Variants in SLC25A13 observed in about 807,000 individuals in gnomAD.
SLC25A13 encodes the protein solute carrier family 25 member 13, also known as electrogenic aspartate/glutamate antiporter SLC25A13, mitochondrial.
Under a neutral mutation model 85.5 loss-of-function variants are expected in SLC25A13, and 70 were observed. The observed-to-expected ratio is 0.82, with a 90% confidence interval of 0.68 to 1.00. The LOEUF (loss-of-function observed/expected upper bound fraction) is 1.00. Ranked by LOEUF, SLC25A13 falls within the 50% of genes least tolerant of loss-of-function variation. The pLI, the probability that SLC25A13 is intolerant of heterozygous loss-of-function variation, is 0.00. For missense variants in SLC25A13, 765 were observed against 819.8 expected (o/e 0.93, Z 0.82); for synonymous variants, 259 against 288.7 (o/e 0.90, Z 1.04).
rs543612532 is a variant in SLC25A13 at position 96,163,955 on chromosome 7, A to G, written c.1311+6090T>C. ...AAGTAGACACCAGAAGAGGAGGAAG[A>G]CTAGTACTTAAGTCATGATTTAATT... On this transcript the variant is annotated intron_variant, in intron 13 of 17. Transcript: ENST00000265631. 9.2e-5 allele frequency among the ~76,000 whole-genome samples: 14 copies of G among 152,240 alleles called. No individual in the cohort carries two copies. The East Asian group carries it at 2.5e-3, about 28-fold the overall frequency.
intron 3 of SLC25A13, among the ~76,000 whole-genome samples, chr7:96,274,146 C>T (rs544353107): frequency 5.9e-5 from 9 of 152,148 alleles, no homozygotes; most frequent in African/African-American, 2.2e-4. Context: ...ACCTAATTCC[C>T]TGCCTGCTCC....
At chr7:96,181,145 T>C (rs1794405747) in intron 11 of SLC25A13, among the ~76,000 whole-genome samples, 1 of 152,208 alleles carries the variant, frequency 6.6e-6, no homozygotes, top group Non-Finnish European at 1.5e-5. Flanking sequence ...TAGAGAAGGT[T>C]TGCAGAGCCA....
At chr7:96,259,203 T>C (rs1308680432) in intron 3 of SLC25A13, among the ~76,000 whole-genome samples, 1 of 152,082 alleles carries the variant, frequency 6.6e-6, no homozygotes, top group Non-Finnish European at 1.5e-5. Flanking sequence ...AAAGCCAAAA[T>C]TGACAAATGG....
chr7:96,232,261 AAAC>A lies in SLC25A13; in HGVS notation c.328+2538_328+2540del, dbSNP rs564038209. 1.5e-3 allele frequency among the ~76,000 whole-genome samples: 228 copies of A among 152,306 alleles called. 1 individual carries two copies. The highest frequency in any genetic ancestry group is 2.5e-3 in the South Asian group (12 of 4,826). ...TGGAATACTATGCAGTCATTAAAAA[AAAC>A]AACGAGATCATGTCCTCTACAGGAA... On this transcript the variant is annotated intron_variant, in intron 4 of 17. Coordinates refer to ENST00000265631, the MANE Select transcript of SLC25A13 (RefSeq NM_014251.3).
chr7:96,203,729 G>A (rs1795350917), intron 5 of SLC25A13, among the ~76,000 whole-genome samples: 1 of 152,060 alleles, frequency 6.6e-6, no homozygotes, highest in Non-Finnish European at 1.5e-5. Context: ...GTAATTACAT[G>A]TAAAATAGAT....
intron 5 of SLC25A13, among the ~76,000 whole-genome samples, chr7:96,208,382 G>GC (rs1404286027): frequency 1.3e-5 from 2 of 152,098 alleles, no homozygotes; most frequent in Non-Finnish European, 2.9e-5. Context: ...GTTTTGCCAG[G>GC]CTAAACTGTA....
intron 11 of SLC25A13, among the ~76,000 whole-genome samples, chr7:96,180,032 A>C (rs1487202940): frequency 6.6e-6 from 1 of 152,164 alleles, no homozygotes; most frequent in Non-Finnish European, 1.5e-5. Flanking sequence ...TAACTCCCTG[A>C]GATATCACCA....
chr7:96,134,793 T>TTATATATACATA (rs1554337552), intron 14 of SLC25A13, among the ~76,000 whole-genome samples: 4 of 102,250 alleles, frequency 3.9e-5, no homozygotes, highest in African/African-American at 1.6e-4. Flanking sequence ...ACAAACAATT[T>TTATATATACATA]TATATATATA....
chr7:96,322,078 G>C lies in SLC25A13; in HGVS notation c.-122C>G. The C allele has an allele frequency of 7.4e-7, 1 of 1,356,416 alleles. No individual in the cohort carries two copies. 84.0% of individuals were successfully genotyped at this position (1,356,416 alleles called of 1,614,324 possible). ...GTGGGGGCGGCGATACGGCCAGGCA[G>C]CGTGCGTTCCTGGCCTGCCTCCCCA... On this transcript the variant is annotated 5_prime_UTR_variant, in exon 1 of 18. Coordinates refer to ENST00000265631, the MANE Select transcript of SLC25A13 (RefSeq NM_014251.3).
chr7:96,260,378 G>T (rs1196408428), intron 3 of SLC25A13, among the ~76,000 whole-genome samples: 1 of 151,958 alleles, frequency 6.6e-6, no homozygotes, highest in African/African-American at 2.4e-5. Flanking sequence ...CCAAAGATGA[G>T]ATATTGCAAT....
chr7:96,152,905 G>A (rs1793105884), intron 13 of SLC25A13, among the ~76,000 whole-genome samples: 1 of 152,196 alleles, frequency 6.6e-6, no homozygotes, highest in African/African-American at 2.4e-5. Flanking sequence ...GAGAATGCTG[G>A]GGAATGAGAG....
At chr7:96,283,202 A>ATGT (rs1373072025) in intron 2 of SLC25A13, among the ~76,000 whole-genome samples, 1 of 152,228 alleles carries the variant, frequency 6.6e-6, no homozygotes, top group African/African-American at 2.4e-5. Flanking sequence ...ATAGTAAAGC[A>ATGT]CAGGAAACAA....
At chr7:96,204,376 A>C (rs1322793576) in intron 5 of SLC25A13, among the ~76,000 whole-genome samples, 4 of 152,086 alleles carry the variant, frequency 2.6e-5, no homozygotes, top group Non-Finnish European at 5.9e-5. Context: ...TCACCCAATA[A>C]AAAAATTGGC....
At chr7:96,222,261 A>G (rs1796159177) in intron 4 of SLC25A13, among the ~76,000 whole-genome samples, 1 of 152,156 alleles carries the variant, frequency 6.6e-6, no homozygotes, top group South Asian at 2.1e-4. Context: ...AAAGGGCAAA[A>G]CTGGACCAGT....
intron 6 of SLC25A13, 120 bp from the exon 7 acceptor site, chr7:96,191,367 G>A (rs1794843440): frequency 9.4e-7 from 1 of 1,059,270 alleles, no homozygotes; most frequent in Non-Finnish European, 1.4e-6. Flanking sequence ...AAGAAGAAAT[G>A]ACTATAAGTA....
chr7:96,161,306 A>G (rs1362486675), intron 13 of SLC25A13, among the ~76,000 whole-genome samples: 1 of 152,160 alleles, frequency 6.6e-6, no homozygotes, highest in Non-Finnish European at 1.5e-5. Context: ...ATATGCAGAC[A>G]CCTAGCCATG....
At chr7:96,275,214 T>C (rs560584230) in intron 3 of SLC25A13, among the ~76,000 whole-genome samples, 4 of 152,240 alleles carry the variant, frequency 2.6e-5, no homozygotes, top group African/African-American at 9.6e-5. Context: ...AGAATGGCGA[T>C]CATTAAAAAG....
intron 3 of SLC25A13, among the ~76,000 whole-genome samples, chr7:96,270,384 T>C (rs1056851228): frequency 6.6e-6 from 1 of 152,008 alleles, no homozygotes; most frequent in Admixed American, 6.6e-5. Flanking sequence ...GGTAAAACAC[T>C]GTCTCTACTA....
At chr7:96,308,519 C>G (rs924554393) in intron 1 of SLC25A13, among the ~76,000 whole-genome samples, 1 of 152,178 alleles carries the variant, frequency 6.6e-6, no homozygotes, top group Non-Finnish European at 1.5e-5. Flanking sequence ...ATTAAACTGG[C>G]TCCCTACCTT....
Sources: gnomAD v4.1 joint callset for allele counts (sites outside exome capture counted in the v4.1 genomes callset) on GRCh38, gnomAD v4.1.1 for gene constraint, MANE v1.5 for transcripts, NCBI Gene and HGNC (gene_info 2026-07-23, HGNC 2026-07-21) for gene names.